The following ANO2 variants were observed in gnomAD, a reference collection of about 807,000 sequenced individuals.
ANO2 encodes anoctamin 2.
A neutral mutation model predicts 124.2 loss-of-function variants in ANO2; 101 were observed. That is an observed-to-expected ratio of 0.81 (90% CI 0.69 to 0.96). The LOEUF (loss-of-function observed/expected upper bound fraction) is 0.96, where lower values mean the gene tolerates loss of function less well. ANO2 is among the 40% of genes least tolerant of loss of function. The pLI, the probability that ANO2 is intolerant of heterozygous loss-of-function variation, is 0.00. For missense variants in ANO2, 1,293 were observed against 1,274.5 expected (o/e 1.01, Z -0.22); for synonymous variants, 486 against 482.5 (o/e 1.01, Z -0.09).
At chr12:5,656,582 C>T (rs1015974235) in intron 14 of ANO2, among the ~76,000 whole-genome samples, 35 of 152,200 alleles carry the variant, frequency 2.3e-4, no homozygotes, top group Admixed American at 2.0e-3. Flanking sequence ...ACTCATTCCC[C>T]ACCCACTGTA....
rs1168364554 is a variant in ANO2 at position 5,799,555 on chromosome 12, C to G, written c.1007G>C (p.Trp336Ser). ...CTTATAGAACACTCCATAGCGCGCC[C>G]ATTCTTGATATAGCAGCTAAACAAA... ...MNDRKLLYQE[W>S]ARYGVFYKFQ... Residue 336 changes from tryptophan to serine, a missense_variant, in exon 10 of 25, where the codon TGG becomes TCG. Coordinates refer to ENST00000682330, the MANE Select transcript of ANO2 (RefSeq NM_001364791.2). 1 of 1,613,798 alleles carries G rather than the reference C, an allele frequency of 6.2e-7. No homozygotes were observed. The highest frequency in any genetic ancestry group is 2.2e-5 in the East Asian group (1 of 44,898).
At chr12:5,607,738 T>C (rs115752873) in intron 19 of ANO2, among the ~76,000 whole-genome samples, 2,293 of 152,270 alleles carry the variant, frequency 0.015, 60 homozygotes, top group African/African-American at 0.05. Context: ...CTACGTGAAC[T>C]GTGCATGCGA....
chr12:5,718,054 G>T (rs1950087657), intron 14 of ANO2, among the ~76,000 whole-genome samples: 1 of 152,228 alleles, frequency 6.6e-6, no homozygotes, highest in South Asian at 2.1e-4. Context: ...TGTTAGCACA[G>T]ATTCAGATTG....
chr12:5,693,344 T>C (rs559961706), intron 14 of ANO2, among the ~76,000 whole-genome samples: 2 of 152,342 alleles, frequency 1.3e-5, no homozygotes, highest in East Asian at 3.9e-4. Context: ...CTTTCTTTCA[T>C]GCCTCACACT....
At chr12:5,916,985 A>T (rs17786400) in intron 3 of ANO2, among the ~76,000 whole-genome samples, 1 of 152,126 alleles carries the variant, frequency 6.6e-6, no homozygotes, top group Non-Finnish European at 1.5e-5. Flanking sequence ...GAGAGGTGGA[A>T]GTCTGATGAC....
At chr12:5,816,159 T>C (rs1418913689) in intron 7 of ANO2, among the ~76,000 whole-genome samples, 1 of 151,724 alleles carries the variant, frequency 6.6e-6, no homozygotes, top group Admixed American at 6.6e-5. Flanking sequence ...TCTTTTTTTT[T>C]TTTAATGAGG....
At chr12:5,659,616 T>C (rs1053104060) in intron 14 of ANO2, among the ~76,000 whole-genome samples, 1 of 152,232 alleles carries the variant, frequency 6.6e-6, no homozygotes, top group Admixed American at 6.5e-5. Flanking sequence ...GTGGCTAAAA[T>C]GGAAAACATT....
In ANO2 at chr12:5,824,323, A is replaced by C. The variant is rs1160904396; in HGVS notation, c.892+3446T>G. ...TTCCCTTATAAAACTGAATGCTTTT[A>C]ACAGCACCCAAGTCGCCTCTTGAAT... On this transcript the variant is annotated intron_variant, in intron 7 of 24. Transcript: ENST00000682330. Among the ~76,000 whole-genome samples the C allele has an allele frequency of 2.0e-5, 3 of 152,230 alleles. No homozygotes were observed. In the East Asian group the frequency reaches 5.8e-4, roughly 29 times the overall value.
At chr12:5,934,463 C>T (rs1394587771) in intron 1 of ANO2, among the ~76,000 whole-genome samples, 3 of 152,192 alleles carry the variant, frequency 2.0e-5, no homozygotes, top group Non-Finnish European at 4.4e-5. Flanking sequence ...AGAGAATTAT[C>T]TTATTGAGAA....
rs1449958764 is a variant in ANO2, at chr12:5,565,656, C to T, written c.2629G>A (p.Asp877Asn). 1.3e-6 allele frequency: 2 copies of T among 1,592,936 alleles called. No homozygotes were observed. Among genetic ancestry groups the T allele is most frequent in the Admixed American group, 3.5e-5 (2 of 56,706 alleles). Reference sequence around the variant, plus strand: ...GGGGCCCATGGCGGCTCTCGGTAATCCTTAAACCTGCCCAAAGAGAAATGT... The same window carrying T: ...GGGGCCCATGGCGGCTCTCGGTAATTCTTAAACCTGCCCAAAGAGAAATGT... Reference protein sequence around the residue: ...DQEVQFCRFKDYREPPWAPNP... With the variant: ...DQEVQFCRFKNYREPPWAPNP... The change falls in exon 24 of 25, where the codon GAT (aspartate) becomes AAT (asparagine). Residue 877 changes from aspartate to asparagine, a missense_variant. Asp to Asn is a conservative substitution (Grantham distance 23, BLOSUM62 1). Coordinates refer to ENST00000682330, the MANE Select transcript of ANO2 (RefSeq NM_001364791.2).
intron 10 of ANO2, among the ~76,000 whole-genome samples, chr12:5,789,665 C>T (rs1425741850): frequency 6.6e-6 from 1 of 152,188 alleles, no homozygotes; most frequent in Non-Finnish European, 1.5e-5. Context: ...ACAGCAGTCT[C>T]CCAGGCAGGG....
At position 5,880,221 on chromosome 12, in the gene ANO2, T is replaced by A. The variant is rs573870298; in HGVS notation, c.535-26080A>T. On this transcript the variant is annotated intron_variant, in intron 3 of 24. Transcript: ENST00000682330. The stretch of plus-strand genomic sequence containing the variant: ...ACAGAGAAGATACTGAGTTTTTTTA[T>A]GAAGACCTTAAACTTGAGATGTTTC... Among the ~76,000 whole-genome samples, 23 of 152,290 alleles carry A rather than the reference T, an allele frequency of 1.5e-4. No homozygotes were observed. In the South Asian group the frequency reaches 4.4e-3, roughly 29 times the overall value.
intron 6 of ANO2, among the ~76,000 whole-genome samples, chr12:5,828,699 C>T (rs1954063474): frequency 6.6e-6 from 1 of 152,180 alleles, no homozygotes; most frequent in African/African-American, 2.4e-5. Context: ...GTGTTTCTTA[C>T]ATGGGAGGAA....
At position 5,807,986 on chromosome 12, in the gene ANO2, C is replaced by T. The variant is rs539342413; in HGVS notation, c.893-618G>A. 9.2e-5 allele frequency among the ~76,000 whole-genome samples: 14 copies of T among 152,368 alleles called. No individual in the cohort carries two copies. In the East Asian group the frequency reaches 2.5e-3, roughly 27 times the overall value. ...TAACTGCTTTCTCACTCTTCCTTCACAAGTACATAGTGGGGTGTTGTGGCA... is the reference window on the plus strand; with the variant it reads ...TAACTGCTTTCTCACTCTTCCTTCATAAGTACATAGTGGGGTGTTGTGGCA... On this transcript the variant is annotated intron_variant, in intron 7 of 24. Transcript: ENST00000682330.
At chr12:5,722,910 T>C (rs900888413) in intron 14 of ANO2, among the ~76,000 whole-genome samples, 2 of 152,168 alleles carry the variant, frequency 1.3e-5, no homozygotes, top group African/African-American at 4.8e-5. Context: ...TTGTCAGAAT[T>C]TTTCTGAAGA....
At chr12:5,652,360 C>T (rs1225124180) in intron 14 of ANO2, among the ~76,000 whole-genome samples, 3 of 152,088 alleles carry the variant, frequency 2.0e-5, no homozygotes, top group Admixed American at 6.5e-5. Flanking sequence ...TAGTTAAGTA[C>T]ATTTTTCACA....
intron 4 of ANO2, among the ~76,000 whole-genome samples, chr12:5,843,045 A>G (rs577822333): frequency 8.5e-5 from 13 of 152,334 alleles, no homozygotes; most frequent in African/African-American, 2.6e-4. Context: ...CTGTCCCTCT[A>G]TTGAAAACAA....
At chr12:5,823,597 C>T (rs1953872239) in intron 7 of ANO2, among the ~76,000 whole-genome samples, 1 of 152,226 alleles carries the variant, frequency 6.6e-6, no homozygotes, top group South Asian at 2.1e-4. Flanking sequence ...CTCCTGGCTG[C>T]TTTCATGGAC....
At chr12:5,625,749 G>C (rs74632262) in intron 16 of ANO2, among the ~76,000 whole-genome samples, 256 of 152,176 alleles carry the variant, frequency 1.7e-3, no homozygotes, top group African/African-American at 5.8e-3. Flanking sequence ...AGGTTGGACT[G>C]GGTGATTTCC....
Sources: gnomAD v4.1 joint callset for allele counts (sites outside exome capture counted in the v4.1 genomes callset) on GRCh38, gnomAD v4.1.1 for gene constraint, MANE v1.5 for transcripts, NCBI Gene and HGNC (gene_info 2026-07-23, HGNC 2026-07-21) for gene names.